PACS1: variants seen among roughly 807,000 people sequenced by gnomAD.
The protein encoded by PACS1 is PACS-1.
Under a neutral mutation model 115.0 loss-of-function variants are expected in PACS1, and 24 were observed. The ratio of observed to expected loss-of-function variants is 0.21; its 90% confidence interval spans 0.15 to 0.29. The LOEUF (loss-of-function observed/expected upper bound fraction) is 0.29, where lower values mean the gene tolerates loss of function less well. PACS1 is among the 10% of genes least tolerant of loss of function. PACS1 has a pLI of 1.00. For missense variants in PACS1, 838 were observed against 1,251.2 expected, an observed-to-expected ratio of 0.67 and a Z score of 4.98; for synonymous variants, 453 against 504.5, an observed-to-expected ratio of 0.90 and a Z score of 1.37.
In PACS1 at chr11:66,235,469, C is replaced by T; in HGVS notation, c.2207+66C>T. 2 of 1,138,744 alleles carry T rather than the reference C, an allele frequency of 1.8e-6. No individual in the cohort carries two copies. The highest frequency in any genetic ancestry group is 2.6e-6 in the Non-Finnish European group (2 of 757,882). 70.5% of individuals were successfully genotyped at this position (1,138,744 alleles called of 1,614,324 possible). A position where few individuals can be genotyped will look rare whatever the true frequency, so the allele number is the denominator to read the frequency against. On this transcript the variant is annotated intron_variant, in intron 18 of 23. Transcript: ENST00000320580. The surrounding 1 kb of genome is among the most constrained non-coding windows in gnomAD (Gnocchi z 5.6). ...TGGGTTAGAGGAATCTTGAGTCTTC[C>T]TTGCTTTCTCACATTTTCCTTCTCC...
chr11:66,096,654 C>T (rs1489145200), intron 1 of PACS1, among the ~76,000 whole-genome samples: 3 of 152,086 alleles, frequency 2.0e-5, no homozygotes, highest in East Asian at 3.9e-4. Context: ...CAGGCATGCG[C>T]CACCATGCCT....
intron 8 of PACS1, 54 bp downstream of exon 8, chr11:66,219,859 C>A: frequency 8.0e-7 from 1 of 1,257,860 alleles, no homozygotes; most frequent in Non-Finnish European, 1.2e-6. Flanking sequence ...CGGGTTTCAC[C>A]CAGCATCCCT....
At chr11:66,127,937 C>T (rs1858617604) in intron 1 of PACS1, among the ~76,000 whole-genome samples, 1 of 152,144 alleles carries the variant, frequency 6.6e-6, no homozygotes, top group Non-Finnish European at 1.5e-5. Context: ...GATAAAACGC[C>T]TAGATCTTAC....
At chr11:66,229,181 G>C (rs1278932342) in intron 11 of PACS1, among the ~76,000 whole-genome samples, 45 of 123,796 alleles carry the variant, frequency 3.6e-4, no homozygotes, top group African/African-American at 1.4e-3. Flanking sequence ...TTCAAGACCA[G>C]CCCGGGCAAC....
chr11:66,187,297 A>G (rs1369714019), intron 1 of PACS1, among the ~76,000 whole-genome samples: 1 of 152,166 alleles, frequency 6.6e-6, no homozygotes, highest in African/African-American at 2.4e-5. Context: ...CATCATCTCA[A>G]ACGCTGATCA....
intron 1 of PACS1, among the ~76,000 whole-genome samples, chr11:66,125,136 C>T (rs1315468217): frequency 6.6e-6 from 1 of 152,078 alleles, no homozygotes; most frequent in East Asian, 1.9e-4. Flanking sequence ...CATCTAGGGG[C>T]TAAGCTATGA....
chr11:66,094,107 A>G (rs1304423579), intron 1 of PACS1, among the ~76,000 whole-genome samples: 2 of 151,022 alleles, frequency 1.3e-5, no homozygotes, highest in Admixed American at 6.6e-5. Flanking sequence ...AAGATCCAAA[A>G]TTGACACCCT....
chr11:66,226,746 A>G (rs997261095), intron 10 of PACS1, among the ~76,000 whole-genome samples: 1 of 152,268 alleles, frequency 6.6e-6, no homozygotes, highest in African/African-American at 2.4e-5. Context: ...TCTGCCTCCT[A>G]TGGTTCCCTA....
chr11:66,211,272 C>T lies in PACS1; in HGVS notation c.660+13C>T, dbSNP rs1360399189. 5 of 1,612,806 alleles carry T rather than the reference C, an allele frequency of 3.1e-6. No individual in the cohort carries two copies. The Admixed American group carries it at 5.0e-5, about 16-fold the overall frequency. On this transcript the variant is annotated intron_variant, in intron 4 of 23. Coordinates refer to ENST00000320580, the MANE Select transcript of PACS1 (RefSeq NM_018026.4). ...CAACATGGCAGAGGTGAGAGGAACA[C>T]AGTCTCCAGACTGTTGGCCTTTGAG...
chr11:66,172,863 C>G (rs1467030425), intron 1 of PACS1, among the ~76,000 whole-genome samples: 1 of 151,582 alleles, frequency 6.6e-6, no homozygotes, highest in African/African-American at 2.4e-5. Flanking sequence ...GTAGTCCCAG[C>G]TACTCAGAAG....
intron 2 of PACS1, among the ~76,000 whole-genome samples, chr11:66,194,906 C>T (rs1156541350): frequency 6.6e-6 from 1 of 152,088 alleles, no homozygotes; most frequent in African/African-American, 2.4e-5. Context: ...ACGTTAGTCC[C>T]AAATACATAA....
At chr11:66,115,208 C>CAAAAAAAA (rs71455703) in intron 1 of PACS1, among the ~76,000 whole-genome samples, 1 of 80,368 alleles carries the variant, frequency 1.2e-5, no homozygotes, top group Non-Finnish European at 2.6e-5. Flanking sequence ...GACCCTATCT[C>CAAAAAAAA]AAAAAAAAAA....
intron 1 of PACS1, among the ~76,000 whole-genome samples, chr11:66,135,937 G>A (rs1284316709): frequency 1.3e-5 from 2 of 152,028 alleles, no homozygotes; most frequent in Non-Finnish European, 2.9e-5. Flanking sequence ...GATTACAGGC[G>A]TGAGCCACTA....
chr11:66,155,293 A>C (rs1301057843), intron 1 of PACS1, among the ~76,000 whole-genome samples: 1 of 152,224 alleles, frequency 6.6e-6, no homozygotes, highest in African/African-American at 2.4e-5. Context: ...ACTTTATCAA[A>C]ATTGAAATGT....
chr11:66,238,018 A>G (rs957657553), intron 19 of PACS1: 4 of 971,268 alleles, frequency 4.1e-6, no homozygotes, highest in African/African-American at 3.5e-5. Context: ...GCCTGGGCCC[A>G]GGTGATAGGG....
At chr11:66,079,853 C>A (rs1012559586) in intron 1 of PACS1, among the ~76,000 whole-genome samples, 3 of 152,188 alleles carry the variant, frequency 2.0e-5, no homozygotes, top group Non-Finnish European at 2.9e-5. Context: ...CTCACCTTTG[C>A]GTTCTCCCCT....
At chr11:66,097,725 A>T (rs1361210075) in intron 1 of PACS1, among the ~76,000 whole-genome samples, 1 of 152,206 alleles carries the variant, frequency 6.6e-6, no homozygotes. Flanking sequence ...ATCTCCACCG[A>T]CATTTAGTGC....
Position 66,235,962 on chromosome 11 carries a change from T to A in PACS1, c.2250+22T>A. On this transcript the variant is annotated intron_variant, in intron 19 of 23. Coordinates refer to ENST00000320580, the MANE Select transcript of PACS1 (RefSeq NM_018026.4). This position sits in a 1 kb window ranked among gnomAD's most constrained non-coding sequence, Gnocchi z 5.6. ...TGGCGTGAGTACTGACTCCCTCTGC[T>A]TGGCACCCCACCCGTTCTCCTGGTC... 1 of 1,609,278 alleles carries A rather than the reference T, an allele frequency of 6.2e-7. No homozygotes were observed. Among genetic ancestry groups the A allele is most frequent in the Non-Finnish European group, 8.5e-7 (1 of 1,175,600 alleles).
chr11:66,211,496 A>C (rs1165239396), intron 4 of PACS1, among the ~76,000 whole-genome samples: 2 of 152,248 alleles, frequency 1.3e-5, no homozygotes, highest in African/African-American at 4.8e-5. Context: ...AAATTACATA[A>C]AATTTCAAAC....
Sources: gnomAD v4.1 joint callset for allele counts (sites outside exome capture counted in the v4.1 genomes callset) on GRCh38, gnomAD v4.1.1 for gene constraint, Gnocchi (gnomAD v3.1) non-coding constraint, MANE v1.5 for transcripts, NCBI Gene and HGNC (gene_info 2026-07-23, HGNC 2026-07-21) for gene names.